CYTH3: variants seen among roughly 807,000 people sequenced by gnomAD.
CYTH3 encodes the protein cytohesin-3.
A neutral mutation model predicts 55.1 loss-of-function variants in CYTH3; 23 were observed. That is an observed-to-expected ratio of 0.42 (90% CI 0.30 to 0.59). CYTH3 has a LOEUF of 0.59. CYTH3 is among the 20% of genes least tolerant of loss of function. The pLI, the probability that CYTH3 is intolerant of heterozygous loss-of-function variation, is 0.20. For missense variants in CYTH3, 413 were observed against 524.8 expected, an observed-to-expected ratio of 0.79 and a Z score of 2.08; for synonymous variants, 249 against 194.9, an observed-to-expected ratio of 1.28 and a Z score of -2.31.
chr7:6,178,975 C>A (rs1172079789), intron 4 of CYTH3, among the ~76,000 whole-genome samples: 2 of 152,180 alleles, frequency 1.3e-5, no homozygotes, highest in South Asian at 4.1e-4. Context: ...AATCAATTTG[C>A]CAGGAGGCCA....
intron 1 of CYTH3, among the ~76,000 whole-genome samples, chr7:6,271,856 C>T (rs1351635158): frequency 1.3e-5 from 2 of 152,142 alleles, no homozygotes; most frequent in Non-Finnish European, 2.9e-5. Context: ...CAATCTGTCG[C>T]GTCTGCCGTT....
chr7:6,268,144 C>A (rs1443272594), intron 1 of CYTH3, among the ~76,000 whole-genome samples: 1 of 152,026 alleles, frequency 6.6e-6, no homozygotes, highest in Non-Finnish European at 1.5e-5. Context: ...ACGCAATGCA[C>A]ACTTTCCTAC....
At chr7:6,255,709 G>T (rs1257369629) in intron 1 of CYTH3, among the ~76,000 whole-genome samples, 2 of 151,742 alleles carry the variant, frequency 1.3e-5, no homozygotes, top group African/African-American at 4.8e-5. Context: ...CTCCCTATGT[G>T]GGGGAGACGC....
intron 1 of CYTH3, among the ~76,000 whole-genome samples, chr7:6,199,813 G>C (rs1290710353): frequency 6.6e-6 from 1 of 152,146 alleles, no homozygotes; most frequent in Non-Finnish European, 1.5e-5. Flanking sequence ...GACATGTATT[G>C]GGTTAATAAC....
chr7:6,205,226 A>G (rs1044158777), intron 1 of CYTH3, among the ~76,000 whole-genome samples: 2 of 152,118 alleles, frequency 1.3e-5, no homozygotes, highest in Non-Finnish European at 2.9e-5. Context: ...AAATTAAGAA[A>G]CACAATTCTA....
intron 1 of CYTH3, among the ~76,000 whole-genome samples, chr7:6,231,445 T>C (rs551677063): frequency 6.6e-6 from 1 of 152,226 alleles, no homozygotes; most frequent in Non-Finnish European, 1.5e-5. Flanking sequence ...GTCTCAGTCT[T>C]TGCAGGGTGG....
rs1187270204 is a variant in CYTH3 at position 6,190,549 on chromosome 7, T to A, written c.35-18A>T. ...TTCAGGCACTGAAAGAAGAAAAAAA[T>A]AATTAACTACTTTGGAGAACACATT... On this transcript the variant is annotated intron_variant, in intron 1 of 12. Transcript: ENST00000350796. 3 of 1,493,894 alleles carry A rather than the reference T, an allele frequency of 2.0e-6. No homozygotes were observed. Among genetic ancestry groups the A allele is most frequent in the African/African-American group, 1.4e-5 (1 of 69,760 alleles). The allele number at this position is 1,493,894 out of a possible 1,614,324, so 92.5% of individuals were successfully genotyped here.
At position 6,212,387 on chromosome 7, in the gene CYTH3, T is replaced by C. The variant is rs546325503; in HGVS notation, c.35-21856A>G. Among the ~76,000 whole-genome samples the C allele has an allele frequency of 6.6e-5, 10 of 152,340 alleles. No individual in the cohort carries two copies. The South Asian group carries it at 1.4e-3, about 22-fold the overall frequency. ...TATCCATCTCTAGAACTTTTTCATC[T>C]TGTAAAACTCTGTACCCATTAAATA... On this transcript the variant is annotated intron_variant, in intron 1 of 12. Transcript: ENST00000350796.
At chr7:6,165,899 G>A in intron 9 of CYTH3, 89 bp from the exon 10 acceptor site, 1 of 1,339,892 alleles carries the variant, frequency 7.5e-7, no homozygotes, top group Non-Finnish European at 1.1e-6. Context: ...ACAGACCACT[G>A]CGTTTTCAGA....
intron 1 of CYTH3, among the ~76,000 whole-genome samples, chr7:6,240,405 C>T (rs555362567): frequency 1.3e-5 from 2 of 151,554 alleles, no homozygotes; most frequent in African/African-American, 4.9e-5. Flanking sequence ...CAGGAAAACT[C>T]TGAAAATAAA....
chr7:6,180,512 G>A (rs887960506), intron 4 of CYTH3, among the ~76,000 whole-genome samples: 3 of 152,206 alleles, frequency 2.0e-5, no homozygotes, highest in South Asian at 2.1e-4. Flanking sequence ...GCCGCCAGGA[G>A]CGAGGCTGGA....
chr7:6,215,936 T>C (rs1784415017), intron 1 of CYTH3, among the ~76,000 whole-genome samples: 2 of 152,194 alleles, frequency 1.3e-5, no homozygotes. Flanking sequence ...CTGAATTCTA[T>C]ATCTGGTGAA....
At chr7:6,244,999 T>TTTTTTTTTTTTTG (rs1197376395) in intron 1 of CYTH3, among the ~76,000 whole-genome samples, 1 of 133,244 alleles carries the variant, frequency 7.5e-6, no homozygotes, top group Non-Finnish European at 1.6e-5. Context: ...TTTTTGTATT[T>TTTTTTTTTTTTTG]TTAGTAGAGA....
At position 6,164,793 on chromosome 7, in the gene CYTH3, T is replaced by C. The variant is rs1782938268; in HGVS notation, c.*151A>G. On this transcript the variant is annotated 3_prime_UTR_variant, in exon 13 of 13. Transcript: ENST00000350796. ...AGGACCCCAGCCACGGCACGAGGCC[T>C]TGGGGATACCACCTGGGCCACGGTA... 1 of 857,898 alleles carries C rather than the reference T, an allele frequency of 1.2e-6. No homozygotes were observed. Among genetic ancestry groups the C allele is most frequent in the Admixed American group, 2.0e-5 (1 of 49,228 alleles). 53.1% of individuals were successfully genotyped at this position (857,898 alleles called of 1,614,324 possible).
Position 6,170,440 on chromosome 7 carries a change from G to C in CYTH3, c.823+95C>G. 2 of 1,133,546 alleles carry C rather than the reference G, an allele frequency of 1.8e-6. No individual in the cohort carries two copies. The highest frequency in any genetic ancestry group is 2.5e-6 in the Non-Finnish European group (2 of 786,714). 70.2% of individuals were successfully genotyped at this position (1,133,546 alleles called of 1,614,324 possible). A position where few individuals can be genotyped will look rare whatever the true frequency, so the allele number is the denominator to read the frequency against. Reference sequence around the variant, plus strand: ...TCTTTTTAACGTCTCTGCCTGCGGTGGGGGGCATTCCTACGATGAGCCTGG... The same window carrying C: ...TCTTTTTAACGTCTCTGCCTGCGGTCGGGGGCATTCCTACGATGAGCCTGG... On this transcript the variant is annotated intron_variant, in intron 9 of 12. Transcript: ENST00000350796. The surrounding 1 kb of genome is among the most constrained non-coding windows in gnomAD (Gnocchi z 7.8).
intron 5 of CYTH3, among the ~76,000 whole-genome samples, chr7:6,177,455 C>T (rs986568769): frequency 6.6e-6 from 1 of 152,182 alleles, no homozygotes; most frequent in Non-Finnish European, 1.5e-5. Context: ...CTGCAAGTAA[C>T]AGGAGAAAGA....
chr7:6,207,402 G>A (rs1051260887), intron 1 of CYTH3, among the ~76,000 whole-genome samples: 22 of 152,072 alleles, frequency 1.4e-4, no homozygotes, highest in Admixed American at 3.9e-4. Context: ...CCTAAAATGT[G>A]CATCTTAGAA....
chr7:6,165,678 C>T, intron 10 of CYTH3, 56 bp downstream of exon 10: 1 of 1,613,442 alleles, frequency 6.2e-7, no homozygotes. Flanking sequence ...GTCCCTCGGC[C>T]CCAGGGCAGC....
chr7:6,230,782 G>A (rs1418824823), intron 1 of CYTH3, among the ~76,000 whole-genome samples: 1 of 152,110 alleles, frequency 6.6e-6, no homozygotes, highest in East Asian at 1.9e-4. Context: ...AACACTCTAA[G>A]TACATAAAAT....
Sources: gnomAD v4.1 joint callset for allele counts (sites outside exome capture counted in the v4.1 genomes callset) on GRCh38, gnomAD v4.1.1 for gene constraint, Gnocchi (gnomAD v3.1) non-coding constraint, MANE v1.5 for transcripts, NCBI Gene and HGNC (gene_info 2026-07-23, HGNC 2026-07-21) for gene names.